Variants in CNTNAP2 observed in about 807,000 individuals in gnomAD.
CNTNAP2 encodes contactin-associated protein-like 2.
In CNTNAP2, 98 loss-of-function variants were observed where a neutral mutation model predicts 155.2. The ratio of observed to expected loss-of-function variants is 0.63; its 90% confidence interval spans 0.54 to 0.75. The LOEUF is 0.75. CNTNAP2 is among the 30% of genes least tolerant of loss of function. The probability of loss-of-function intolerance (pLI) is 0.00; values close to 1 mark genes in which losing one functional copy is unlikely to be tolerated. For synonymous variants in CNTNAP2, 651 were observed against 631.2 expected, an observed-to-expected ratio of 1.03 and a Z score of -0.47; for missense variants, 1,727 against 1,688.1, an observed-to-expected ratio of 1.02 and a Z score of -0.40.
At chr7:147,039,870 C>T (rs1799226352) in intron 3 of CNTNAP2, among the ~76,000 whole-genome samples, 1 of 152,142 alleles carries the variant, frequency 6.6e-6, no homozygotes, top group Admixed American at 6.5e-5. Context: ...ACAACCTAGG[C>T]AATACCATCC....
chr7:147,322,888 G>T (rs1183827265), intron 9 of CNTNAP2, among the ~76,000 whole-genome samples: 1 of 128,798 alleles, frequency 7.8e-6, no homozygotes, highest in Non-Finnish European at 1.6e-5. Context: ...ATTCTCTGAC[G>T]GTAGTTTGTA....
intron 3 of CNTNAP2, among the ~76,000 whole-genome samples, chr7:146,930,269 GT>G (rs2129222623): frequency 6.6e-6 from 1 of 152,322 alleles, no homozygotes; most frequent in South Asian, 2.1e-4. Context: ...CCAGAAGAGA[GT>G]GGGGGCCAAT....
At position 148,409,394 on chromosome 7, in the gene CNTNAP2, G is replaced by C; in HGVS notation, c.3719G>C (p.Ser1240Thr). The C allele has an allele frequency of 6.2e-7, 1 of 1,610,454 alleles. No individual in the cohort carries two copies. The highest frequency in any genetic ancestry group is 8.5e-7 in the Non-Finnish European group (1 of 1,176,740). ...PWHLDHLDSA[S>T]ADFPYNPGQG... ...TTGACTCTTTCTTTCTCTACAGCCA[G>C]TGCGGATTTTCCATATAATCCAGGA... The change falls in exon 23 of 24, where the codon AGT becomes ACT. Residue 1240 changes from serine (S) to threonine (T), a missense_variant. Physicochemically the swap from Ser to Thr is moderately conservative, Grantham distance 58. Coordinates refer to ENST00000361727, the MANE Select transcript of CNTNAP2 (RefSeq NM_014141.6).
intron 11 of CNTNAP2, among the ~76,000 whole-genome samples, chr7:147,560,569 G>A (rs1390797503): frequency 6.6e-6 from 1 of 152,076 alleles, no homozygotes; most frequent in East Asian, 1.9e-4. Flanking sequence ...GCTTTGCCGA[G>A]CTTTCTAGCC....
At chr7:148,012,316 G>A (rs538387994) in intron 15 of CNTNAP2, among the ~76,000 whole-genome samples, 1 of 152,312 alleles carries the variant, frequency 6.6e-6, no homozygotes, top group African/African-American at 2.4e-5. Flanking sequence ...TGCAGCATTT[G>A]TGGGAATTAT....
chr7:148,345,711 C>T (rs1354101919), intron 21 of CNTNAP2, among the ~76,000 whole-genome samples: 1 of 152,064 alleles, frequency 6.6e-6, no homozygotes, highest in Non-Finnish European at 1.5e-5. Flanking sequence ...AGAAACTGGA[C>T]AACTGTGGGG....
chr7:148,097,647 A>G (rs1268264255), intron 15 of CNTNAP2, among the ~76,000 whole-genome samples: 1 of 152,094 alleles, frequency 6.6e-6, no homozygotes, highest in Admixed American at 6.6e-5. Context: ...TAACTTCAAC[A>G]AATATTACTG....
intron 1 of CNTNAP2, among the ~76,000 whole-genome samples, chr7:146,272,703 C>T (rs994711906): frequency 6.6e-6 from 1 of 151,946 alleles, no homozygotes; most frequent in African/African-American, 2.4e-5. Context: ...CAAATATGTG[C>T]CCTCATGTGT....
Position 147,529,019 on chromosome 7 carries a change from G to A in CNTNAP2, c.1778-33119G>A, listed in dbSNP as rs576473385. On this transcript the variant is annotated intron_variant, in intron 11 of 23. Coordinates refer to ENST00000361727, the MANE Select transcript of CNTNAP2 (RefSeq NM_014141.6). The stretch of plus-strand genomic sequence containing the variant: ...GGCAAGTGGAATAATGTGTAAAAAA[G>A]TTATGCTAATCATAAAATGGAAACG... Among the ~76,000 whole-genome samples, 307 of 152,302 alleles carry A rather than the reference G, an allele frequency of 2.0e-3. 1 individual carries two copies. Among genetic ancestry groups the A allele is most frequent in the African/African-American group, 7.3e-3 (304 of 41,560 alleles).
intron 1 of CNTNAP2, among the ~76,000 whole-genome samples, chr7:146,747,141 T>C (rs1801822750): frequency 6.6e-6 from 1 of 152,150 alleles, no homozygotes; most frequent in African/African-American, 2.4e-5. Context: ...AAATGACTAC[T>C]TTATGTGCAT....
At chr7:146,324,896 A>G (rs372545095) in intron 1 of CNTNAP2, among the ~76,000 whole-genome samples, 3 of 152,184 alleles carry the variant, frequency 2.0e-5, no homozygotes, top group South Asian at 4.1e-4. Flanking sequence ...GAAGTCAAAA[A>G]TCATGGATCA....
chr7:146,394,217 A>G (rs1321916299), intron 1 of CNTNAP2, among the ~76,000 whole-genome samples: 3 of 152,180 alleles, frequency 2.0e-5, no homozygotes, highest in African/African-American at 7.2e-5. Flanking sequence ...TGACTAATCC[A>G]AAAAAGGAAA....
chr7:146,838,580 A>C (rs1803660782), intron 2 of CNTNAP2, among the ~76,000 whole-genome samples: 1 of 152,068 alleles, frequency 6.6e-6, no homozygotes. Flanking sequence ...GGTCTCCCAA[A>C]GTGCTGGGAT....
At chr7:147,805,063 T>C (rs985791615) in intron 13 of CNTNAP2, among the ~76,000 whole-genome samples, 1 of 151,094 alleles carries the variant, frequency 6.6e-6, no homozygotes, top group African/African-American at 2.4e-5. Flanking sequence ...AAATGACAAA[T>C]GATTCAATAT....
intron 1 of CNTNAP2, among the ~76,000 whole-genome samples, chr7:146,206,404 A>G (rs887325601): frequency 1.3e-5 from 2 of 151,916 alleles, no homozygotes; most frequent in African/African-American, 4.8e-5. Flanking sequence ...TGAGTCATAG[A>G]TAATATCAAA....
chr7:146,235,878 G>A (rs895159818), intron 1 of CNTNAP2, among the ~76,000 whole-genome samples: 10 of 151,922 alleles, frequency 6.6e-5, no homozygotes, highest in African/African-American at 2.2e-4. Flanking sequence ...TTGATACATA[G>A]ACTTGTCTTA....
chr7:146,966,323 T>C (rs1797656165), intron 3 of CNTNAP2, among the ~76,000 whole-genome samples: 1 of 152,176 alleles, frequency 6.6e-6, no homozygotes, highest in African/African-American at 2.4e-5. Context: ...TTATCACCCA[T>C]GCCTGTACAA....
intron 15 of CNTNAP2, among the ~76,000 whole-genome samples, chr7:148,079,769 A>G (rs2116544645): frequency 6.6e-6 from 1 of 152,288 alleles, no homozygotes. Flanking sequence ...TGCTACAGAA[A>G]GTCTTAAGAT....
At chr7:147,781,697 C>G (rs144192534) in intron 13 of CNTNAP2, among the ~76,000 whole-genome samples, 1 of 152,186 alleles carries the variant, frequency 6.6e-6, no homozygotes, top group Non-Finnish European at 1.5e-5. Context: ...TAAAAGCTTA[C>G]TAGTCAAGGA....
Sources: allele counts gnomAD v4.1 joint callset (sites outside exome capture counted in the v4.1 genomes callset), GRCh38; gene constraint gnomAD v4.1.1; transcripts MANE v1.5; gene names NCBI Gene and HGNC (gene_info 2026-07-23, HGNC 2026-07-21).